PSPC1: variants seen among roughly 807,000 people sequenced by gnomAD.
The protein encoded by PSPC1 is paraspeckle component 1.
PSPC1 carries 14 observed loss-of-function variants against 51.6 expected under a neutral mutation model. The observed-to-expected ratio is 0.27, with a 90% CI of 0.18 to 0.42. PSPC1 has a LOEUF of 0.42. Among genes scored for constraint, PSPC1 ranks in the 10% least tolerant of loss-of-function variants. The pLI is 1.00. For synonymous variants in PSPC1, 193 were observed against 231.9 expected (o/e 0.83, Z 1.53); for missense variants, 406 against 701.1 (o/e 0.58, Z 4.75).
At chr13:19,753,301 A>AG (rs1886750365) in intron 3 of PSPC1, among the ~76,000 whole-genome samples, 1 of 151,614 alleles carries the variant, frequency 6.6e-6, no homozygotes, top group African/African-American at 2.4e-5. Context: ...AAAAAAAAAA[A>AG]AAGGCTCACT....
At chr13:19,706,220 T>A (rs989139463) in intron 7 of PSPC1, among the ~76,000 whole-genome samples, 8 of 152,248 alleles carry the variant, frequency 5.3e-5, no homozygotes, top group African/African-American at 1.9e-4. Context: ...CCACTTAATT[T>A]TTTTCAACCC....
rs148736513 is a variant in PSPC1, at chr13:19,748,717, C to T, written c.967+2554G>A. 8.3e-3 allele frequency among the ~76,000 whole-genome samples: 1,250 copies of T among 149,836 alleles called. 21 individuals carry two copies. The highest frequency in any genetic ancestry group is 0.029 in the African/African-American group (1,193 of 40,848). On this transcript the variant is annotated intron_variant, in intron 4 of 8. Transcript: ENST00000338910. ...TACAGATGCTTCCACATCTAATCAACATTGTTATCTAACTAGGGCACAACT... is the reference window on the plus strand; with the variant it reads ...TACAGATGCTTCCACATCTAATCAATATTGTTATCTAACTAGGGCACAACT...
In PSPC1 at chr13:19,751,811, G is replaced by A. The variant is rs373692842; in HGVS notation, c.771-344C>T. 2.1e-3 allele frequency among the ~76,000 whole-genome samples: 314 copies of A among 152,228 alleles called. 1 individual carries two copies. Among genetic ancestry groups the A allele is most frequent in the African/African-American group, 7.2e-3 (298 of 41,536 alleles). ...AGTGGCTCATGCCTGTAATCCCAGC[G>A]CTTCGGGAGGCCGAGGCGGGCAGAT... On this transcript the variant is annotated intron_variant, in intron 3 of 8. Coordinates refer to ENST00000338910, the MANE Select transcript of PSPC1 (RefSeq NM_001354909.2).
At chr13:19,742,050 T>C (rs1885485153) in intron 4 of PSPC1, among the ~76,000 whole-genome samples, 1 of 152,104 alleles carries the variant, frequency 6.6e-6, no homozygotes, top group South Asian at 2.1e-4. Context: ...GAGAATCACT[T>C]GAACCCGGGA....
chr13:19,714,369 C>T (rs140432072), intron 6 of PSPC1, among the ~76,000 whole-genome samples: 3 of 152,106 alleles, frequency 2.0e-5, no homozygotes, highest in Non-Finnish European at 1.5e-5. Flanking sequence ...AAAATAAATA[C>T]ATTAGCATTT....
At chr13:19,732,926 CAAAAAAAAAAG>C (rs1486378445) in intron 5 of PSPC1, among the ~76,000 whole-genome samples, 3 of 142,856 alleles carry the variant, frequency 2.1e-5, no homozygotes, top group Non-Finnish European at 4.5e-5. Flanking sequence ...GACTCCATCT[CAAAAAAAAAAG>C]AAAAAGAAAA....
rs1344453285 is a variant in PSPC1, at chr13:19,782,719, C to T, written c.39G>A (p.Glu13=). 2 of 1,569,072 alleles carry T rather than the reference C, an allele frequency of 1.3e-6. No individual in the cohort carries two copies. The highest frequency in any genetic ancestry group is 3.8e-5 in the Admixed American group (2 of 52,362). Residue 13 remains glutamate, a synonymous_variant, in exon 1 of 9, where the codon GAG becomes GAA. Transcript: ENST00000338910. This position sits in a 1 kb window ranked among gnomAD's most constrained non-coding sequence, Gnocchi z 4.5. ...LRGNLKQVRI[E]KNPARLRALE... is the part of the protein sequence containing the mutation. The stretch of plus-strand genomic sequence containing the variant: ...GGGCGCGAAGGCGGGCCGGGTTTTT[C>T]TCAATGCGCACTTGCTTCAGGTTTC...
At chr13:19,758,261 C>T (rs559509498) in intron 3 of PSPC1, among the ~76,000 whole-genome samples, 6 of 151,284 alleles carry the variant, frequency 4.0e-5, no homozygotes, top group African/African-American at 1.5e-4. Flanking sequence ...TGCAGTGAGC[C>T]GAGATCGTGC....
downstream of PSPC1, among the ~76,000 whole-genome samples, chr13:19,674,347 A>G (rs1876384741): frequency 6.6e-6 from 1 of 152,342 alleles, no homozygotes; most frequent in East Asian, 1.9e-4. Flanking sequence ...AAACTATTCC[A>G]TTTTTATACA....
At chr13:19,739,888 T>G (rs1269732876) in intron 5 of PSPC1, among the ~76,000 whole-genome samples, 1 of 150,674 alleles carries the variant, frequency 6.6e-6, no homozygotes, top group Non-Finnish European at 1.5e-5. Flanking sequence ...AAAACAGTAG[T>G]TCTCAAGCTT....
chr13:19,768,057 TA>T (rs1303234530), intron 2 of PSPC1, among the ~76,000 whole-genome samples: 1 of 150,298 alleles, frequency 6.7e-6, no homozygotes, highest in Non-Finnish European at 1.5e-5. Context: ...ATATCTACTT[TA>T]AAAAAAAATT....
At chr13:19,758,033 G>A (rs1443585370) in intron 3 of PSPC1, among the ~76,000 whole-genome samples, 7 of 152,030 alleles carry the variant, frequency 4.6e-5, no homozygotes, top group Admixed American at 1.3e-4. Context: ...AAATGCACTC[G>A]GCTGGGTGCG....
chr13:19,773,781 T>A (rs1003653790), intron 1 of PSPC1, among the ~76,000 whole-genome samples: 2 of 151,796 alleles, frequency 1.3e-5, no homozygotes, highest in Non-Finnish European at 2.9e-5. Flanking sequence ...GCCTCCCGAG[T>A]AGCTGGGTTT....
intron 2 of PSPC1, among the ~76,000 whole-genome samples, chr13:19,766,948 T>A (rs1888134381): frequency 6.7e-6 from 1 of 149,198 alleles, no homozygotes; most frequent in African/African-American, 2.5e-5. Context: ...CTGAGACAGG[T>A]GGATTGCTTG....
chr13:19,702,337 C>A (rs1418135351), downstream of PSPC1, among the ~76,000 whole-genome samples: 4 of 152,262 alleles, frequency 2.6e-5, no homozygotes, highest in East Asian at 3.9e-4. Context: ...ATCCTCACTT[C>A]ACAGCCAACC....
chr13:19,778,667 TCAGTGCTCAATGGTGCCCAGGCTGGAGTG>T (rs1889496767), intron 1 of PSPC1, among the ~76,000 whole-genome samples: 1 of 134,590 alleles, frequency 7.4e-6, no homozygotes, highest in Admixed American at 7.7e-5. Flanking sequence ...TCTCGTTCAC[TCAGTGCTCAATGGTGCCCAGGCTGGAGTG>T]CAGTGGCGTG....
chr13:19,741,118 C>T (rs1324812678), intron 5 of PSPC1, among the ~76,000 whole-genome samples: 1 of 152,144 alleles, frequency 6.6e-6, no homozygotes, highest in Non-Finnish European at 1.5e-5. Context: ...ATGTGATCTG[C>T]CCACCTCAGC....
chr13:19,731,412 TTG>T (rs1193953508), intron 5 of PSPC1, among the ~76,000 whole-genome samples: 2 of 23,188 alleles, frequency 8.6e-5, no homozygotes, highest in Non-Finnish European at 5.4e-4. Flanking sequence ...TCTGGATTTG[TTG>T]TTGTTGTTGT....
intron 8 of PSPC1, among the ~76,000 whole-genome samples, chr13:19,704,044 G>C (rs1046570851): frequency 6.6e-6 from 1 of 152,258 alleles, no homozygotes; most frequent in Non-Finnish European, 1.5e-5. Context: ...AGAACTCCCT[G>C]AAGTGTAGCA....
Sources: allele counts gnomAD v4.1 joint callset (sites outside exome capture counted in the v4.1 genomes callset), GRCh38; gene constraint gnomAD v4.1.1; non-coding constraint Gnocchi (gnomAD v3.1); transcripts MANE v1.5; gene names NCBI Gene and HGNC (gene_info 2026-07-23, HGNC 2026-07-21).